PLEC: variants seen among roughly 807,000 people sequenced by gnomAD.
The protein encoded by PLEC is hemidesmosomal protein 1.
In PLEC, 216 loss-of-function variants were observed where a neutral mutation model predicts 392.8. The ratio of observed to expected loss-of-function variants is 0.55; its 90% confidence interval spans 0.49 to 0.62. PLEC has a LOEUF of 0.62. Among genes scored for constraint, PLEC ranks in the 20% least tolerant of loss-of-function variants. The pLI is 0.00. For missense variants in PLEC, 6,863 were observed against 6,563.4 expected (o/e 1.05, Z -1.58); for synonymous variants, 3,621 against 2,980.6 (o/e 1.21, Z -7.00).
chr8:143,918,753 C>G lies in PLEC; in HGVS notation c.11068G>C (p.Gly3690Arg). 1 of 1,613,058 alleles carries G rather than the reference C, an allele frequency of 6.2e-7. No homozygotes were observed. The highest frequency in any genetic ancestry group is 8.5e-7 in the Non-Finnish European group (1 of 1,180,002). ...ESAWCYLYGTGSVAGVYLPGS... is the reference protein window; with the variant it reads ...ESAWCYLYGTRSVAGVYLPGS... ...GGCAGGTAGACACCAGCCACGGAGC[C>G]CGTGCCATAGAGGTAGCACCAGGCG... Residue 3690 changes from glycine to arginine, a missense_variant, in exon 32 of 32, where the codon GGC becomes CGC. By Grantham distance (125) the Gly-to-Arg change is moderately radical. Transcript: ENST00000345136.
In PLEC at chr8:143,917,326, G is replaced by T. The variant is rs782564756; in HGVS notation, c.12495C>A (p.His4165Gln). The T allele has an allele frequency of 1.9e-6, 3 of 1,609,690 alleles. No individual in the cohort carries two copies. The highest frequency in any genetic ancestry group is 2.5e-6 in the Non-Finnish European group (3 of 1,179,726). Residue 4165 changes from histidine to glutamine, a missense_variant, in exon 32 of 32, where the codon CAC becomes CAA. Physicochemically the swap from His to Gln is conservative, Grantham distance 24 (BLOSUM62 0). Transcript: ENST00000345136. ...YEAYRKGLIDHQTYLELSEQE... is the reference protein window; with the variant it reads ...YEAYRKGLIDQQTYLELSEQE... The stretch of plus-strand genomic sequence containing the variant: ...GCTCGGACAGCTCCAGGTACGTCTG[G>T]TGGTCAATCAGGCCCTTGCGGTAGG...
chr8:143,974,553 G>C (rs1294093616), upstream of PLEC, among the ~76,000 whole-genome samples: 1 of 152,198 alleles, frequency 6.6e-6, no homozygotes, highest in Non-Finnish European at 1.5e-5. This position sits in a 1 kb window ranked among gnomAD's most constrained non-coding sequence, Gnocchi z 5.9. Flanking sequence ...TCAGCACCTG[G>C]CCTTGCAGCC....
chr8:143,915,980 C>G lies in PLEC; in HGVS notation c.*197G>C. 1 of 463,138 alleles carries G rather than the reference C, an allele frequency of 2.2e-6. No individual in the cohort carries two copies. The highest frequency in any genetic ancestry group is 3.8e-6 in the Non-Finnish European group (1 of 265,228). The allele number at this position is 463,138 out of a possible 1,614,324, so 28.7% of individuals were successfully genotyped here. A position where few individuals can be genotyped will look rare whatever the true frequency, so the allele number is the denominator to read the frequency against. On this transcript the variant is annotated 3_prime_UTR_variant, in exon 32 of 32. Transcript: ENST00000345136. ...AGACCCGAGGGGGTGAGGCGGCCAG[C>G]AGGGCTGGGCCAGCCCTGTCCCCCA...
At position 143,931,955 on chromosome 8, in the gene PLEC, C is replaced by A; in HGVS notation, c.2160G>T (p.Glu720Asp). ...TTCTCACCTGAAAGTAGGCAGCGTTCTCCTTCAGGTGTGCCTCGATACAGC... is the reference window on the plus strand; with the variant it reads ...TTCTCACCTGAAAGTAGGCAGCGTTATCCTTCAGGTGTGCCTCGATACAGC... Reference protein sequence around the residue: ...LCCCIEAHLKENAAYFQFFSD... With the variant: ...LCCCIEAHLKDNAAYFQFFSD... Residue 720 changes from glutamate to aspartate, a missense_variant, in exon 18 of 32, where the codon GAG becomes GAT. Coordinates refer to ENST00000345136, the MANE Select transcript of PLEC (RefSeq NM_201384.3). 6.2e-7 allele frequency: 1 copy of A among 1,607,024 alleles called. No individual in the cohort carries two copies. Among genetic ancestry groups the A allele is most frequent in the South Asian group, 1.1e-5 (1 of 89,984 alleles).
Position 143,922,233 on chromosome 8 carries a change from G to A in PLEC, c.7588C>T (p.Leu2530=), listed in dbSNP as rs782492790. Residue 2530 remains leucine (L), a synonymous_variant, in exon 32 of 32, where the codon CTG becomes TTG. Transcript: ENST00000345136. ...TGCTGCCGCTGCTGCTCCTCACGCA[G>A]CTGCTGTGCCTTGGCCACCTCGTCC... ...FQDEVAKAQQ[L]REEQQRQQQQ... 2 of 1,581,542 alleles carry A rather than the reference G, an allele frequency of 1.3e-6. No individual in the cohort carries two copies. The highest frequency in any genetic ancestry group is 2.7e-5 in the African/African-American group (2 of 74,634).
At chr8:143,936,857 C>T (rs192445901) in intron 5 of PLEC, 122 bp downstream of exon 5, 19 of 766,726 alleles carry the variant, frequency 2.5e-5, no homozygotes, top group South Asian at 1.1e-4. Flanking sequence ...ACCATACCTA[C>T]GGCGCCAGTC....
chr8:143,975,548 C>G (rs1399597999), upstream of PLEC, among the ~76,000 whole-genome samples: 5 of 151,900 alleles, frequency 3.3e-5, no homozygotes, highest in Admixed American at 2.0e-4. This position sits in a 1 kb window ranked among gnomAD's most constrained non-coding sequence, Gnocchi z 9.9. Flanking sequence ...TATTGACCCC[C>G]ATGCTCTGGC....
At chr8:143,952,181 A>AACACACAC (rs66992958), upstream of PLEC, among the ~76,000 whole-genome samples, 5,192 of 140,274 alleles carry the variant, frequency 0.037, 143 homozygotes, top group Admixed American at 0.084. Context: ...GCAGGCTCCA[A>AACACACAC]ACACACACAC....
chr8:143,967,646 C>A (rs979458969), intron 1 of PLEC, among the ~76,000 whole-genome samples: 1 of 152,004 alleles, frequency 6.6e-6, no homozygotes, highest in African/African-American at 2.4e-5. Flanking sequence ...AGTAGCCAGG[C>A]ATGGCAGCAG....
At chr8:143,944,516 G>T, upstream of PLEC, 1 of 500,692 alleles carries the variant, frequency 2.0e-6, no homozygotes, top group South Asian at 4.9e-5. Flanking sequence ...GTCTGGGTGA[G>T]GGCACATGAG....
chr8:143,976,542 T>G (rs947370426), upstream of PLEC, among the ~76,000 whole-genome samples: 7 of 151,706 alleles, frequency 4.6e-5, no homozygotes, highest in Non-Finnish European at 7.4e-5. Context: ...TTCCGCAGTC[T>G]CGGGCGTGCA....
chr8:143,931,019 C>T (rs1827091611), intron 19 of PLEC, among the ~76,000 whole-genome samples: 1 of 152,196 alleles, frequency 6.6e-6, no homozygotes, highest in South Asian at 2.1e-4. Context: ...TGGGTGATCC[C>T]ACCCCTGCTC....
intron 28 of PLEC, 58 bp from the exon 29 acceptor site, chr8:143,927,139 C>G: frequency 6.4e-7 from 1 of 1,558,496 alleles, no homozygotes; most frequent in African/African-American, 1.4e-5. Context: ...CCCTGCCCAG[C>G]CCCTAAACCC....
At chr8:143,937,443 G>C (rs1554724434) in intron 3 of PLEC, among the ~76,000 whole-genome samples, 3 of 152,094 alleles carry the variant, frequency 2.0e-5, no homozygotes, top group African/African-American at 7.2e-5. Flanking sequence ...GGCTCGGGAA[G>C]TCCAGCGACC....
At chr8:143,975,095 C>T (rs1833612041), upstream of PLEC, 3 of 1,487,972 alleles carry the variant, frequency 2.0e-6, no homozygotes, top group Non-Finnish European at 2.8e-6. The surrounding 1 kb of genome is among the most constrained non-coding windows in gnomAD (Gnocchi z 9.9). Flanking sequence ...ACCCAGTCCC[C>T]GCTCCAGCGC....
chr8:143,956,584 G>T (rs148029358), upstream of PLEC, among the ~76,000 whole-genome samples: 1 of 152,320 alleles, frequency 6.6e-6, no homozygotes, highest in East Asian at 1.9e-4. Flanking sequence ...AAAAAGATAG[G>T]ATCATGGTTT....
Position 143,930,289 on chromosome 8 carries a change from GCA to G in PLEC, c.2465_2466del (p.Val822AlafsTer4). ...VCDYKQVEVT[V>X]HKGDECQLVG... The stretch of plus-strand genomic sequence containing the variant: ...ACCAGCTGGCACTCGTCACCCTTGT[GCA>G]CAGTCACCTGGGACGGGCAGAGTCG... On this transcript the variant is annotated frameshift_variant, in exon 21 of 32. Coordinates refer to ENST00000345136, the MANE Select transcript of PLEC (RefSeq NM_201384.3). LOFTEE classifies it high-confidence loss of function. 1.2e-6 allele frequency: 2 copies of G among 1,602,892 alleles called. No homozygotes were observed. Among genetic ancestry groups the G allele is most frequent in the Non-Finnish European group, 1.7e-6 (2 of 1,178,620 alleles).
chr8:143,925,138 C>T lies in PLEC; in HGVS notation c.4791G>A (p.Gln1597=). Residue 1597 remains glutamine, a synonymous_variant, in exon 31 of 32, where the codon CAG becomes CAA. Transcript: ENST00000345136. ...GCTGTGCCACAGCCACGTGTTCCTC[C>T]TGCAGGGAGCGCTCCAGCTGTGCCG... ...EKTAQLERSL[Q]EEHVAVAQLR... is the part of the protein sequence containing the mutation. The T allele has an allele frequency of 6.4e-7, 1 of 1,558,632 alleles. No homozygotes were observed. The highest frequency in any genetic ancestry group is 8.6e-7 in the Non-Finnish European group (1 of 1,160,170).
In PLEC at chr8:143,922,096, C is replaced by A; in HGVS notation, c.7725G>T (p.Gln2575His). 6.4e-7 allele frequency: 1 copy of A among 1,564,096 alleles called. No homozygotes were observed. The highest frequency in any genetic ancestry group is 8.6e-7 in the Non-Finnish European group (1 of 1,162,040). Residue 2575 changes from glutamine to histidine, a missense_variant, in exon 32 of 32, where the codon CAG becomes CAT. By Grantham distance (24) the Gln-to-His change is conservative. Coordinates refer to ENST00000345136, the MANE Select transcript of PLEC (RefSeq NM_201384.3). ...CCTGCTGCCGCCGCTGCTGCTCCAG[C>A]TGCTGCAGCTCCTCCTGCTTGCGCC... is the stretch of plus-strand genomic sequence containing the variant. ...GVRRKQEELQ[Q>H]LEQQRRQQEE...
Sources: allele counts gnomAD v4.1 joint callset (sites outside exome capture counted in the v4.1 genomes callset), GRCh38; gene constraint gnomAD v4.1.1; non-coding constraint Gnocchi (gnomAD v3.1); transcripts MANE v1.5; gene names NCBI Gene and HGNC (gene_info 2026-07-23, HGNC 2026-07-21).